The following SNAPC3 variants were observed in gnomAD, a reference collection of about 807,000 sequenced individuals.
The protein encoded by SNAPC3 is small nuclear RNA activating complex polypeptide 3.
SNAPC3 carries 56 observed loss-of-function variants against 47.7 expected under a neutral mutation model. That is an observed-to-expected ratio of 1.18 (90% CI 0.95 to 1.47). The LOEUF is 1.47. SNAPC3 is among the 40% of genes most tolerant of loss of function. The pLI is 0.00. For missense variants in SNAPC3, 665 were observed against 511.3 expected, an observed-to-expected ratio of 1.30 and a Z score of -2.90; for synonymous variants, 235 against 189.9, an observed-to-expected ratio of 1.24 and a Z score of -1.95.
chr9:15,442,101 A>G (rs10810388), intron 3 of SNAPC3, among the ~76,000 whole-genome samples: 119,551 of 133,584 alleles, frequency 0.89, 54,069 homozygotes, highest in Admixed American at 0.92. Context: ...GCGGCTGGCC[A>G]GGCGGGGGCT....
downstream of SNAPC3, chr9:15,465,110 C>T (rs144536781): frequency 1.7e-5 from 4 of 231,212 alleles, no homozygotes; most frequent in African/African-American, 8.9e-5. Flanking sequence ...AAAAGACAGT[C>T]TGGTAAATCC....
chr9:15,453,704 T>C (rs1490036233), intron 7 of SNAPC3: 1 of 152,406 alleles, frequency 6.6e-6, no homozygotes, highest in African/African-American at 2.4e-5. Context: ...GGATGAGTTA[T>C]AAATTTTAGA....
intron 8 of SNAPC3, 45 bp downstream of exon 8, chr9:15,458,112 T>C (rs1192397657): frequency 9.7e-7 from 1 of 1,033,284 alleles, no homozygotes; most frequent in South Asian, 1.6e-5. Flanking sequence ...AATGGCAGTT[T>C]TGACTTTTGG....
chr9:15,464,103 C>G (rs1036328070), downstream of SNAPC3: 4 of 179,586 alleles, frequency 2.2e-5, no homozygotes, highest in East Asian at 3.7e-4. Flanking sequence ...CAAGTTTACA[C>G]GTTGAACTTA....
chr9:15,453,190 T>A lies in SNAPC3; in HGVS notation c.965T>A (p.Val322Asp). 1 of 1,611,894 alleles carries A rather than the reference T, an allele frequency of 6.2e-7. No homozygotes were observed. The highest frequency in any genetic ancestry group is 8.5e-7 in the Non-Finnish European group (1 of 1,178,558). Residue 322 changes from valine (V) to aspartate (D), a missense_variant, in exon 7 of 9, where the codon GTC becomes GAC. Coordinates refer to ENST00000380821, the MANE Select transcript of SNAPC3 (RefSeq NM_001039697.2). ...CHQGDCEHVI[V>D]ITDIRLVHHD... Reference sequence around the variant, plus strand: ...CAGGGAGACTGTGAACATGTCATTGTCATTACTGACATAAGGTAGGTGACA... The same window carrying A: ...CAGGGAGACTGTGAACATGTCATTGACATTACTGACATAAGGTAGGTGACA...
Position 15,426,855 on chromosome 9 carries a change from G to T in SNAPC3, c.392+2869G>T, listed in dbSNP as rs527574625. On this transcript the variant is annotated intron_variant, in intron 2 of 8. Coordinates refer to ENST00000380821, the MANE Select transcript of SNAPC3 (RefSeq NM_001039697.2). Reference sequence around the variant, plus strand: ...ATCAGTACGGTATTCTTCAACTGGGGTTATTTTGATATACTGTGAAGCTAG... The same window carrying T: ...ATCAGTACGGTATTCTTCAACTGGGTTTATTTTGATATACTGTGAAGCTAG... 2.0e-5 allele frequency among the ~76,000 whole-genome samples: 3 copies of T among 152,058 alleles called. No homozygotes were observed. The East Asian group carries it at 5.8e-4, about 29-fold the overall frequency.
chr9:15,449,563 ATTTT>A (rs568645696), intron 5 of SNAPC3, among the ~76,000 whole-genome samples: 1,557 of 38,594 alleles, frequency 0.04, 11 homozygotes, highest in Non-Finnish European at 0.053. Context: ...ATATATATAT[ATTTT>A]TTTTTTTTTT....
At chr9:15,435,845 T>TTTC (rs1241809557) in intron 3 of SNAPC3, among the ~76,000 whole-genome samples, 16 of 2,034 alleles carry the variant, frequency 7.9e-3, no homozygotes, top group Middle Eastern at 0.17. Flanking sequence ...CTTTTCTTTC[T>TTTC]TTTTTTTTTT....
intron 2 of SNAPC3, among the ~76,000 whole-genome samples, chr9:15,431,211 G>T (rs1304126501): frequency 6.6e-6 from 1 of 152,106 alleles, no homozygotes; most frequent in Non-Finnish European, 1.5e-5. Context: ...CCCTGAACAG[G>T]TTTTCCTAGT....
intron 3 of SNAPC3, 126 bp from the exon 4 acceptor site, chr9:15,444,476 C>A (rs2033764021): frequency 3.3e-6 from 2 of 600,632 alleles, no homozygotes; most frequent in Non-Finnish European, 6.0e-6. Flanking sequence ...AACAGTTTTC[C>A]CAGAGTATAA....
chr9:15,465,534 T>TAGA, downstream of SNAPC3: 3 of 1,577,030 alleles, frequency 1.9e-6, no homozygotes, highest in Non-Finnish European at 2.6e-6. Flanking sequence ...TTATCTAGTG[T>TAGA]AGAATCCTTC....
chr9:15,431,469 A>T (rs2032139123), intron 2 of SNAPC3, among the ~76,000 whole-genome samples: 1 of 152,230 alleles, frequency 6.6e-6, no homozygotes, highest in African/African-American at 2.4e-5. Flanking sequence ...ACCTTTGTTC[A>T]AATTGCTGTT....
chr9:15,429,196 T>G (rs1486254081), intron 2 of SNAPC3, among the ~76,000 whole-genome samples: 1 of 152,098 alleles, frequency 6.6e-6, no homozygotes, highest in Non-Finnish European at 1.5e-5. Context: ...AGAGCAGTGT[T>G]TTTTTTTAAA....
chr9:15,449,568 T>G (rs1306140118), intron 5 of SNAPC3, among the ~76,000 whole-genome samples: 1 of 92,490 alleles, frequency 1.1e-5, no homozygotes, highest in Non-Finnish European at 2.1e-5. Flanking sequence ...TATATATTTT[T>G]TTTTTTTTTT....
At chr9:15,429,201 T>A (rs1011603599) in intron 2 of SNAPC3, among the ~76,000 whole-genome samples, 5 of 152,178 alleles carry the variant, frequency 3.3e-5, no homozygotes, top group African/African-American at 1.2e-4. Context: ...AGTGTTTTTT[T>A]TTAAAGCTCA....
chr9:15,450,071 C>T (rs752131582), intron 5 of SNAPC3, among the ~76,000 whole-genome samples: 2 of 151,612 alleles, frequency 1.3e-5, no homozygotes, highest in African/African-American at 4.9e-5. Flanking sequence ...TATTTTGGAC[C>T]CTGCTTACCT....
chr9:15,441,383 C>CTTTTTTTTTTTTTTT (rs77103785), intron 3 of SNAPC3, among the ~76,000 whole-genome samples: 9 of 59,558 alleles, frequency 1.5e-4, no homozygotes, highest in Admixed American at 5.7e-4. Flanking sequence ...GTTCCCTTTT[C>CTTTTTTTTTTTTTTT]TTTTTTTTTT....
At chr9:15,432,614 A>C (rs1408855399) in intron 2 of SNAPC3, among the ~76,000 whole-genome samples, 1 of 152,216 alleles carries the variant, frequency 6.6e-6, no homozygotes, top group Non-Finnish European at 1.5e-5. Flanking sequence ...TTTGAACAAC[A>C]AAATAGTGAT....
intron 2 of SNAPC3, among the ~76,000 whole-genome samples, chr9:15,424,850 A>G (rs1423914566): frequency 6.6e-6 from 1 of 152,086 alleles, no homozygotes; most frequent in Non-Finnish European, 1.5e-5. Flanking sequence ...AGTCATTTCA[A>G]CTCTACTTGG....
Sources: gnomAD v4.1 joint callset for allele counts (sites outside exome capture counted in the v4.1 genomes callset) on GRCh38, gnomAD v4.1.1 for gene constraint, MANE v1.5 for transcripts, NCBI Gene and HGNC (gene_info 2026-07-23, HGNC 2026-07-21) for gene names.